The following ARHGEF10L variants were observed in gnomAD, a reference collection of about 807,000 sequenced individuals.
The protein encoded by ARHGEF10L is rho guanine nucleotide exchange factor 10-like protein.
Under a neutral mutation model 141.2 loss-of-function variants are expected in ARHGEF10L, and 69 were observed. The observed-to-expected ratio is 0.49, with a 90% CI of 0.40 to 0.60. ARHGEF10L has a LOEUF of 0.60. Among genes scored for constraint, ARHGEF10L ranks in the 20% least tolerant of loss-of-function variants. The pLI, the probability that ARHGEF10L is intolerant of heterozygous loss-of-function variation, is 0.00. For synonymous variants in ARHGEF10L, 711 were observed against 718.5 expected (o/e 0.99, Z 0.17); for missense variants, 1,482 against 1,734.3 (o/e 0.85, Z 2.58).
At chr1:17,611,531 T>TAC (rs1570899031) in intron 7 of ARHGEF10L, among the ~76,000 whole-genome samples, 1 of 149,570 alleles carries the variant, frequency 6.7e-6, no homozygotes, top group East Asian at 1.9e-4. Flanking sequence ...CATCTGTCTG[T>TAC]ATATCCATCC....
Position 17,644,011 on chromosome 1 carries a change from C to T in ARHGEF10L, c.2272+3709C>T, listed in dbSNP as rs1571207422. On this transcript the variant is annotated intron_variant, in intron 21 of 28. Transcript: ENST00000361221. This position sits in a 1 kb window ranked among gnomAD's most constrained non-coding sequence, Gnocchi z 4.5. ...CCTCCTGTACCCTCCCCCGCCACCA[C>T]CTGCTCTGCTCACAAAGCTGCATTG... 6.6e-6 allele frequency among the ~76,000 whole-genome samples: 1 copy of T among 152,322 alleles called. No individual in the cohort carries two copies. The highest frequency in any genetic ancestry group is 1.5e-5 in the Non-Finnish European group (1 of 68,032).
Position 17,619,146 on chromosome 1 carries a change from C to T in ARHGEF10L, c.836-193C>T, listed in dbSNP as rs1214210344. Among the ~76,000 whole-genome samples the T allele has an allele frequency of 1.3e-5, 2 of 152,142 alleles. No individual in the cohort carries two copies. The highest frequency in any genetic ancestry group is 4.8e-5 in the African/African-American group (2 of 41,422). On this transcript the variant is annotated intron_variant, in intron 9 of 28. Coordinates refer to ENST00000361221, the MANE Select transcript of ARHGEF10L (RefSeq NM_018125.4). This position sits in a 1 kb window ranked among gnomAD's most constrained non-coding sequence, Gnocchi z 5.0. ...ACAATTATTCACTGATGGAATGTTC[C>T]AGGCCCTGGGACGTAGCAGGGAACT...
intron 26 of ARHGEF10L, among the ~76,000 whole-genome samples, 176 bp from the exon 27 acceptor site, chr1:17,687,397 G>C (rs1430282424): frequency 6.6e-6 from 1 of 152,188 alleles, no homozygotes; most frequent in Non-Finnish European, 1.5e-5. Flanking sequence ...GCACAGCTGG[G>C]CTTCTAAGAT....
rs575751329 is a variant in ARHGEF10L at position 17,639,610 on chromosome 1, C to T, written c.2172-592C>T. ...ACGTGCACCCTAGAGGCTTGTGACA[C>T]TGCCCTGCCCACCTCCCAAAGGGCT... On this transcript the variant is annotated intron_variant, in intron 20 of 28. Transcript: ENST00000361221. This position sits in a 1 kb window ranked among gnomAD's most constrained non-coding sequence, Gnocchi z 4.3. 80 of 354,284 alleles carry T rather than the reference C, an allele frequency of 2.3e-4. No individual in the cohort carries two copies. The highest frequency in any genetic ancestry group is 3.7e-4 in the Non-Finnish European group (67 of 179,094). The allele number at this position is 354,284 out of a possible 1,614,324, so 21.9% of individuals were successfully genotyped here.
Position 17,619,419 on chromosome 1 carries a change from A to G in ARHGEF10L, c.916A>G (p.Met306Val), listed in dbSNP as rs2059984645. The change falls in exon 10 of 29, where the codon ATG becomes GTG. Residue 306 changes from methionine to valine, a missense_variant. By Grantham distance (21) the Met-to-Val change is conservative (BLOSUM62 1). Transcript: ENST00000361221. This position sits in a 1 kb window ranked among gnomAD's most constrained non-coding sequence, Gnocchi z 5.0. ...IKPPAPELGP[M>V]PEGLSPQQVV... ...GCCCCCAGCCCCAGAGCTGGGCCCCATGCCAGAGGGCCTGAGCCCTCAGCA... is the reference window on the plus strand; with the variant it reads ...GCCCCCAGCCCCAGAGCTGGGCCCCGTGCCAGAGGGCCTGAGCCCTCAGCA... The G allele has an allele frequency of 1.9e-6, 3 of 1,603,358 alleles. No individual in the cohort carries two copies. The highest frequency in any genetic ancestry group is 2.3e-5 in the East Asian group (1 of 44,260).
intron 27 of ARHGEF10L, among the ~76,000 whole-genome samples, chr1:17,690,409 C>T (rs777767736): frequency 6.6e-6 from 1 of 152,226 alleles, no homozygotes; most frequent in African/African-American, 2.4e-5. Context: ...CCACAGTCCC[C>T]GTCTCAAGCC....
the ARHGEF10L span, among the ~76,000 whole-genome samples, chr1:17,532,865 G>A: frequency 1.3e-5 from 2 of 152,092 alleles, no homozygotes; most frequent in Non-Finnish European, 2.9e-5. Flanking sequence ...AAAGTGTTGG[G>A]ATTACAAGTG....
intron 7 of ARHGEF10L, among the ~76,000 whole-genome samples, chr1:17,611,550 A>G (rs962231272): frequency 6.7e-6 from 1 of 149,246 alleles, no homozygotes; most frequent in Admixed American, 6.7e-5. Context: ...CCATCCATCC[A>G]TCCATCCATC....
chr1:17,628,136 G>A (rs1050560736), intron 15 of ARHGEF10L, among the ~76,000 whole-genome samples: 1 of 152,066 alleles, frequency 6.6e-6, no homozygotes, highest in South Asian at 2.1e-4. Context: ...TCAGGAGTTC[G>A]AGACCAGCCT....
intron 1 of ARHGEF10L, among the ~76,000 whole-genome samples, chr1:17,562,453 G>A (rs549142270): frequency 4.4e-4 from 67 of 152,226 alleles, no homozygotes; most frequent in South Asian, 3.1e-3. Context: ...GTCAAGTGGG[G>A]CCCTGGATAT....
chr1:17,539,239 G>C (rs2076630694), upstream of ARHGEF10L, among the ~76,000 whole-genome samples: 1 of 152,196 alleles, frequency 6.6e-6, no homozygotes, highest in African/African-American at 2.4e-5. The surrounding 1 kb of genome is among the most constrained non-coding windows in gnomAD (Gnocchi z 6.0). Flanking sequence ...GGCAATACGG[G>C]GCCGCCAAGA....
At chr1:17,581,330 A>G (rs1159046062) in intron 2 of ARHGEF10L, among the ~76,000 whole-genome samples, 3 of 150,554 alleles carry the variant, frequency 2.0e-5, no homozygotes, top group African/African-American at 7.4e-5. Context: ...AAAAAAAAAA[A>G]AAGAAAAGAG....
intron 1 of ARHGEF10L, among the ~76,000 whole-genome samples, chr1:17,547,514 A>G (rs1401279854): frequency 6.6e-6 from 1 of 152,224 alleles, no homozygotes; most frequent in African/African-American, 2.4e-5. Context: ...GCCAGCTCTC[A>G]TTACTCCCCT....
chr1:17,600,942 T>C (rs1056747621), intron 4 of ARHGEF10L, among the ~76,000 whole-genome samples: 1 of 149,136 alleles, frequency 6.7e-6, no homozygotes, highest in Non-Finnish European at 1.5e-5. Flanking sequence ...TCCAGCTACT[T>C]GGGAGACTGA....
intron 4 of ARHGEF10L, among the ~76,000 whole-genome samples, chr1:17,588,912 T>TG (rs2079289972): frequency 2.8e-4 from 1 of 3,608 alleles, no homozygotes; most frequent in Non-Finnish European, 4.5e-4. Flanking sequence ...TGGGGGAGGT[T>TG]GGGGGGGTTT....
chr1:17,680,208 G>C (rs1378960230), intron 26 of ARHGEF10L, among the ~76,000 whole-genome samples: 2 of 152,192 alleles, frequency 1.3e-5, no homozygotes, highest in Non-Finnish European at 2.9e-5. Flanking sequence ...GGAAAGTCCT[G>C]ACACACGGTG....
chr1:17,636,218 A>G (rs976180582), intron 18 of ARHGEF10L, among the ~76,000 whole-genome samples: 3 of 152,142 alleles, frequency 2.0e-5, no homozygotes, highest in Non-Finnish European at 4.4e-5. Flanking sequence ...TTCGGTGACA[A>G]TGATGTGTCT....
chr1:17,682,331 G>A (rs74061945), intron 26 of ARHGEF10L, among the ~76,000 whole-genome samples: 3,358 of 152,186 alleles, frequency 0.022, 134 homozygotes, highest in African/African-American at 0.076. Flanking sequence ...TCTTCTCTCT[G>A]TGCAAACCCT....
the ARHGEF10L span, among the ~76,000 whole-genome samples, chr1:17,516,399 C>A: frequency 6.6e-6 from 1 of 152,222 alleles, no homozygotes. Flanking sequence ...AAGATCCCTC[C>A]CCTCTACAGG....
Sources: allele counts gnomAD v4.1 joint callset (sites outside exome capture counted in the v4.1 genomes callset), GRCh38; gene constraint gnomAD v4.1.1; non-coding constraint Gnocchi (gnomAD v3.1); transcripts MANE v1.5; gene names NCBI Gene and HGNC (gene_info 2026-07-23, HGNC 2026-07-21).